The following ZNF451 variants were observed in gnomAD, a reference collection of about 807,000 sequenced individuals.
The protein encoded by ZNF451 is E3 SUMO-protein ligase ZNF451.
Under a neutral mutation model 107.1 loss-of-function variants are expected in ZNF451, and 80 were observed. That is an observed-to-expected ratio of 0.75 (90% CI 0.62 to 0.90). The LOEUF (loss-of-function observed/expected upper bound fraction) is 0.90, where lower values mean the gene tolerates loss of function less well. Among genes scored for constraint, ZNF451 ranks in the 40% least tolerant of loss-of-function variants. ZNF451 has a pLI of 0.00. For missense variants in ZNF451, 1,107 were observed against 1,236.2 expected (o/e 0.90, Z 1.57); for synonymous variants, 362 against 406.5 (o/e 0.89, Z 1.32).
At position 57,168,415 on chromosome 6, in the gene ZNF451, T is replaced by C. The variant is rs759698754; in HGVS notation, c.3140-8T>C. 1.9e-6 allele frequency: 3 copies of C among 1,599,062 alleles called. No individual in the cohort carries two copies. The highest frequency in any genetic ancestry group is 2.2e-5 in the South Asian group (2 of 89,310). Reference sequence around the variant, plus strand: ...CTAAGTGTTAAAATTCTATGTTTTTTAATGCAGATGTGGAATTAGAAGAAG... The same window carrying C: ...CTAAGTGTTAAAATTCTATGTTTTTCAATGCAGATGTGGAATTAGAAGAAG... On this transcript the variant is annotated splice_polypyrimidine_tract_variant and splice_region_variant and intron_variant, in intron 14 of 14. Transcript: ENST00000370706.
At chr6:57,095,242 A>C (rs772824681) in intron 2 of ZNF451, among the ~76,000 whole-genome samples, 1 of 151,478 alleles carries the variant, frequency 6.6e-6, no homozygotes, top group South Asian at 2.1e-4. Flanking sequence ...CTACTCTGTC[A>C]CTTAAAGCTC....
rs941668744 is a variant in ZNF451, at chr6:57,103,623, T to G, written c.186+4482T>G. 11 of 985,252 alleles carry G rather than the reference T, an allele frequency of 1.1e-5. No homozygotes were observed. The Admixed American group carries it at 3.7e-4, about 33-fold the overall frequency. 61.0% of individuals were successfully genotyped at this position (985,252 alleles called of 1,614,324 possible). ...AGGGGTCTGAATACATCACCTAGTATTATTTGCTTGGCAGCCAAAAACAGT... is the reference window on the plus strand; with the variant it reads ...AGGGGTCTGAATACATCACCTAGTAGTATTTGCTTGGCAGCCAAAAACAGT... On this transcript the variant is annotated intron_variant, in intron 3 of 14. Coordinates refer to ENST00000370706, the MANE Select transcript of ZNF451 (RefSeq NM_001031623.3).
At chr6:57,122,674 T>C (rs1448421392) in intron 3 of ZNF451, among the ~76,000 whole-genome samples, 1 of 152,200 alleles carries the variant, frequency 6.6e-6, no homozygotes, top group Non-Finnish European at 1.5e-5. Flanking sequence ...CACAATCAGA[T>C]ACCATCTCAC....
At chr6:57,137,706 T>C (rs1294397874) in intron 7 of ZNF451, among the ~76,000 whole-genome samples, 1 of 152,242 alleles carries the variant, frequency 6.6e-6, no homozygotes, top group African/African-American at 2.4e-5. Flanking sequence ...CCACTGGTTA[T>C]TCTGTTTCTA....
chr6:57,105,242 T>G (rs546891383), intron 3 of ZNF451: 25 of 985,392 alleles, frequency 2.5e-5, no homozygotes, highest in Non-Finnish European at 2.9e-5. Flanking sequence ...TTTAATGATC[T>G]GGTATTCTCA....
chr6:57,135,465 A>G (rs1593137513), intron 7 of ZNF451, among the ~76,000 whole-genome samples: 2 of 152,266 alleles, frequency 1.3e-5, no homozygotes, highest in Admixed American at 1.3e-4. Flanking sequence ...TTAAAATATT[A>G]ACAAAAAGAC....
At chr6:57,095,883 G>T (rs944306089) in intron 2 of ZNF451, among the ~76,000 whole-genome samples, 1 of 151,884 alleles carries the variant, frequency 6.6e-6, no homozygotes, top group African/African-American at 2.4e-5. Flanking sequence ...GAGTGCACTG[G>T]CGTGATCTCA....
At chr6:57,126,633 C>T (rs1230346147) in intron 4 of ZNF451, 2 of 152,020 alleles carry the variant, frequency 1.3e-5, no homozygotes, top group East Asian at 1.9e-4. Flanking sequence ...TTAAAATCTT[C>T]ACTGGAGCCA....
At chr6:57,131,355 C>T (rs1362354870) in intron 5 of ZNF451, among the ~76,000 whole-genome samples, 1 of 152,070 alleles carries the variant, frequency 6.6e-6, no homozygotes, top group African/African-American at 2.4e-5. Flanking sequence ...GGGGAAGCCT[C>T]CCCACCCCTC....
intron 12 of ZNF451, among the ~76,000 whole-genome samples, 186 bp downstream of exon 12, chr6:57,152,537 C>G (rs1279520415): frequency 6.6e-6 from 1 of 152,200 alleles, no homozygotes; most frequent in Non-Finnish European, 1.5e-5. Context: ...AGCAAACCTT[C>G]AGCTATCCAT....
chr6:57,167,925 A>G (rs1033262776), intron 14 of ZNF451, among the ~76,000 whole-genome samples: 2 of 152,212 alleles, frequency 1.3e-5, no homozygotes, highest in East Asian at 1.9e-4. Context: ...TTATGTGGCT[A>G]TGAGTTTCAC....
At chr6:57,101,200 T>C in intron 3 of ZNF451, 3 of 1,550,982 alleles carry the variant, frequency 1.9e-6, no homozygotes, top group Non-Finnish European at 2.6e-6. Flanking sequence ...CACAGGTCTT[T>C]TGAAGAGAAT....
At chr6:57,096,052 G>T (rs1196002521) in intron 2 of ZNF451, among the ~76,000 whole-genome samples, 1 of 151,984 alleles carries the variant, frequency 6.6e-6, no homozygotes, top group African/African-American at 2.4e-5. Flanking sequence ...TCGAACTCAT[G>T]GCCTCATGTG....
chr6:57,105,717 C>T (rs1160931046), intron 3 of ZNF451: 12 of 985,154 alleles, frequency 1.2e-5, no homozygotes, highest in African/African-American at 3.5e-5. Context: ...CTGATTGTCT[C>T]GTATCTAACC....
At chr6:57,131,448 T>C (rs1593130758) in intron 5 of ZNF451, among the ~76,000 whole-genome samples, 2 of 152,250 alleles carry the variant, frequency 1.3e-5, no homozygotes, top group South Asian at 4.1e-4. Context: ...AGGAAACATC[T>C]GGAATGTGGG....
chr6:57,100,704 T>C, intron 3 of ZNF451: 1 of 1,550,570 alleles, frequency 6.4e-7, no homozygotes, highest in Non-Finnish European at 8.7e-7. Context: ...GCTCCTTCTC[T>C]GGGAGTTGTT....
At chr6:57,129,042 T>A (rs190554887) in intron 5 of ZNF451, among the ~76,000 whole-genome samples, 1 of 152,292 alleles carries the variant, frequency 6.6e-6, no homozygotes, top group Admixed American at 6.5e-5. Flanking sequence ...TATATTTGAG[T>A]ATAAGCAATA....
chr6:57,163,598 C>T (rs1763774870), intron 14 of ZNF451, among the ~76,000 whole-genome samples: 1 of 149,912 alleles, frequency 6.7e-6, no homozygotes, highest in African/African-American at 2.4e-5. Context: ...CTACAGGCGC[C>T]CGCCACCACG....
At chr6:57,122,081 C>T (rs2127957552) in intron 3 of ZNF451, among the ~76,000 whole-genome samples, 1 of 152,208 alleles carries the variant, frequency 6.6e-6, no homozygotes, top group South Asian at 2.1e-4. Context: ...AGCACAGGCA[C>T]AACCAACTCA....
Sources: allele counts gnomAD v4.1 joint callset (sites outside exome capture counted in the v4.1 genomes callset), GRCh38; gene constraint gnomAD v4.1.1; transcripts MANE v1.5; gene names NCBI Gene and HGNC (gene_info 2026-07-23, HGNC 2026-07-21).